Variants in REXO4 observed in about 807,000 individuals in gnomAD.
REXO4 encodes the protein RNA exonuclease 4, also known as REX4 homolog, 3'-5' exonuclease.
Under a neutral mutation model 39.9 loss-of-function variants are expected in REXO4, and 29 were observed. That is an observed-to-expected ratio of 0.73 (90% CI 0.54 to 0.99). The LOEUF is 0.99. Among genes scored for constraint, REXO4 ranks in the 50% least tolerant of loss-of-function variants. REXO4 has a pLI of 0.00. For missense variants in REXO4, 524 were observed against 546.5 expected (o/e 0.96, Z 0.41); for synonymous variants, 184 against 206.2 (o/e 0.89, Z 0.92).
chr9:133,408,484 G>C (rs1182427700), intron 6 of REXO4, among the ~76,000 whole-genome samples: 2 of 151,600 alleles, frequency 1.3e-5, no homozygotes, highest in Admixed American at 1.3e-4. Flanking sequence ...ATGAAGAACG[G>C]CTCTGCCCTT....
At chr9:133,416,070 A>G (rs1839578573) in intron 1 of REXO4, among the ~76,000 whole-genome samples, 3 of 152,248 alleles carry the variant, frequency 2.0e-5, no homozygotes, top group Admixed American at 6.5e-5. Flanking sequence ...ACGTTTATGT[A>G]GCTCATGGTT....
chr9:133,412,956 G>A, intron 2 of REXO4, 35 bp from the exon 3 acceptor site: 1 of 1,608,048 alleles, frequency 6.2e-7, no homozygotes, highest in Non-Finnish European at 8.5e-7. Flanking sequence ...ATCACCAGAA[G>A]ACCCTAGTGC....
chr9:133,407,189 T>C, intron 7 of REXO4, 117 bp from the exon 8 acceptor site: 2 of 1,510,456 alleles, frequency 1.3e-6, no homozygotes, highest in Non-Finnish European at 1.8e-6. Context: ...GAGTGAGACA[T>C]GGACCTGGCC....
Position 133,407,892 on chromosome 9 carries a change from G to T in REXO4, c.1075-11C>A. On this transcript the variant is annotated splice_polypyrimidine_tract_variant and intron_variant, in intron 6 of 7. Coordinates refer to ENST00000371942, the MANE Select transcript of REXO4 (RefSeq NM_020385.4). Reference sequence around the variant, plus strand: ...AGACGGCCTTCCACTCTGCAAAGGGGGAAGAGGCGGGTGGGGGCCTCTGCA... The same window carrying T: ...AGACGGCCTTCCACTCTGCAAAGGGTGAAGAGGCGGGTGGGGGCCTCTGCA... The T allele has an allele frequency of 6.2e-7, 1 of 1,611,394 alleles. No homozygotes were observed. Among genetic ancestry groups the T allele is most frequent in the Non-Finnish European group, 8.5e-7 (1 of 1,178,414 alleles).
chr9:133,412,410 T>A lies in REXO4; in HGVS notation c.799A>T (p.Ile267Phe), dbSNP rs782776107. 4 of 1,614,176 alleles carry A rather than the reference T, an allele frequency of 2.5e-6. No individual in the cohort carries two copies. Among genetic ancestry groups the A allele is most frequent in the Non-Finnish European group, 3.4e-6 (4 of 1,180,042 alleles). Residue 267 changes from isoleucine to phenylalanine, a missense_variant, in exon 4 of 8, where the codon ATC becomes TTC. Coordinates refer to ENST00000371942, the MANE Select transcript of REXO4 (RefSeq NM_020385.4). ...GEESMAARVS[I>F]VNQYGKCVYD... ...ACGCACTTCCCATACTGGTTCACGA[T>A]GGACACACGGGCGGCCATGCTCTCC...
At chr9:133,413,299 G>A (rs1391358879) in intron 2 of REXO4, among the ~76,000 whole-genome samples, 9 of 151,942 alleles carry the variant, frequency 5.9e-5, no homozygotes, top group African/African-American at 1.7e-4. Flanking sequence ...ACGGGGTTTC[G>A]TCATGTTGGC....
intron 2 of REXO4, 50 bp downstream of exon 2, chr9:133,414,615 G>A (rs376443200): frequency 6.5e-6 from 10 of 1,532,248 alleles, no homozygotes; most frequent in Non-Finnish European, 9.0e-6. Flanking sequence ...GACAGGCCTT[G>A]GTGAAGTCGC....
At chr9:133,412,605 T>C (rs1554780432) in intron 3 of REXO4, 113 bp from the exon 4 acceptor site, 2 of 1,418,990 alleles carry the variant, frequency 1.4e-6, no homozygotes, top group Non-Finnish European at 9.7e-7. Flanking sequence ...TCTCTGCCCC[T>C]CACTCATTTG....
In REXO4 at chr9:133,410,034, G is replaced by GT. The variant is rs587750883; in HGVS notation, c.999+950dup. Among the ~76,000 whole-genome samples, 3 of 152,262 alleles carry GT rather than the reference G, an allele frequency of 2.0e-5. No homozygotes were observed. In the South Asian group the frequency reaches 6.2e-4, roughly 32 times the overall value. On this transcript the variant is annotated intron_variant, in intron 5 of 7. Transcript: ENST00000371942. ...CACTGCCCGGGGGGTTCTCACCTCA[G>GT]TTTCACCCTCTGTAAACAAGCATGA...
chr9:133,415,387 C>G (rs1839520169), intron 1 of REXO4, among the ~76,000 whole-genome samples: 1 of 151,738 alleles, frequency 6.6e-6, no homozygotes, highest in Non-Finnish European at 1.5e-5. Context: ...CAGCTTGGGC[C>G]AACATCCTGC....
chr9:133,408,967 T>TGTGC, intron 5 of REXO4, 125 bp from the exon 6 acceptor site: 1 of 529,646 alleles, frequency 1.9e-6, no homozygotes, highest in East Asian at 3.3e-5. Flanking sequence ...TGTGTGTGTG[T>TGTGC]GTGTGTGTGT....
chr9:133,415,485 T>A lies in REXO4; in HGVS notation c.226-474A>T, dbSNP rs587771607. Among the ~76,000 whole-genome samples, 86 of 149,618 alleles carry A rather than the reference T, an allele frequency of 5.7e-4. 1 individual carries two copies. In the South Asian group the frequency reaches 0.018, roughly 32 times the overall value. ...TCAGGAAGGTGGGGGGTGTCATAAATGAAAAGAAAAGCTTCTGTCAAACTG... is the reference window on the plus strand; with the variant it reads ...TCAGGAAGGTGGGGGGTGTCATAAAAGAAAAGAAAAGCTTCTGTCAAACTG... On this transcript the variant is annotated intron_variant, in intron 1 of 7. Transcript: ENST00000371942.
At chr9:133,411,556 C>G (rs1839212147) in intron 4 of REXO4, among the ~76,000 whole-genome samples, 1 of 152,242 alleles carries the variant, frequency 6.6e-6, no homozygotes. Flanking sequence ...ACCACCAACC[C>G]CACTTGTACC....
intron 2 of REXO4, among the ~76,000 whole-genome samples, chr9:133,414,004 C>T (rs1839392760): frequency 1.3e-5 from 2 of 152,360 alleles, no homozygotes; most frequent in Middle Eastern, 3.4e-3. Context: ...ACGTCACCTC[C>T]AGCTGAACCA....
Position 133,414,918 on chromosome 9 carries a change from T to C in REXO4, c.319A>G (p.Lys107Glu), listed in dbSNP as rs782588604. The change falls in exon 2 of 8, where the codon AAA becomes GAA. Residue 107 changes from lysine (K) to glutamate (E), a missense_variant. Lys to Glu is a moderately conservative substitution (Grantham distance 56). Coordinates refer to ENST00000371942, the MANE Select transcript of REXO4 (RefSeq NM_020385.4). ...KKKPKIIQQN[K>E]KETSPQVKGE... Reference sequence around the variant, plus strand: ...TTCACTTGAGGCGAGGTCTCTTTTTTGTTTTGCTGGATAATTTTGGGCTTC... The same window carrying C: ...TTCACTTGAGGCGAGGTCTCTTTTTCGTTTTGCTGGATAATTTTGGGCTTC... 6.2e-7 allele frequency: 1 copy of C among 1,614,054 alleles called. No homozygotes were observed. The highest frequency in any genetic ancestry group is 8.5e-7 in the Non-Finnish European group (1 of 1,180,012).
chr9:133,407,270 C>T (rs1220867899), intron 7 of REXO4, among the ~76,000 whole-genome samples, 198 bp from the exon 8 acceptor site: 2 of 152,176 alleles, frequency 1.3e-5, no homozygotes, highest in Non-Finnish European at 2.9e-5. Flanking sequence ...ATGGTCCCCA[C>T]ACTTCTGTGA....
chr9:133,413,206 C>T (rs1554780675), intron 2 of REXO4, among the ~76,000 whole-genome samples: 1 of 152,096 alleles, frequency 6.6e-6, no homozygotes, highest in East Asian at 1.9e-4. Context: ...TCAAGTGATT[C>T]TCTTGTCTCA....
rs1554778763 is a variant in REXO4, at chr9:133,406,300, C to T, written c.*653G>A. ...GCCCAAGGTTGGCATGTCTGCCGACCTCCAGGAATAACCGCAGTCACCGTG... is the reference window on the plus strand; with the variant it reads ...GCCCAAGGTTGGCATGTCTGCCGACTTCCAGGAATAACCGCAGTCACCGTG... On this transcript the variant is annotated 3_prime_UTR_variant, in exon 8 of 8. Coordinates refer to ENST00000371942, the MANE Select transcript of REXO4 (RefSeq NM_020385.4). 6.6e-6 allele frequency: 1 copy of T among 152,494 alleles called. No homozygotes were observed. Among genetic ancestry groups the T allele is most frequent in the African/African-American group, 2.4e-5 (1 of 41,466 alleles). 9.4% of individuals were successfully genotyped at this position (152,494 alleles called of 1,614,324 possible).
Position 133,417,845 on chromosome 9 carries a change from C to T in REXO4, c.-1G>A, listed in dbSNP as rs782307555. 8 of 1,598,506 alleles carry T rather than the reference C, an allele frequency of 5.0e-6. No homozygotes were observed. Among genetic ancestry groups the T allele is most frequent in the East Asian group, 2.2e-5 (1 of 44,866 alleles). ...AGGCGGGGACCTTCGCCTTCCCCATCCTGCTGCCGTCCAGCGCCTGGGCCG... is the reference window on the plus strand; with the variant it reads ...AGGCGGGGACCTTCGCCTTCCCCATTCTGCTGCCGTCCAGCGCCTGGGCCG... On this transcript the variant is annotated 5_prime_UTR_variant, in exon 1 of 8. Transcript: ENST00000371942.
Sources: allele counts gnomAD v4.1 joint callset (sites outside exome capture counted in the v4.1 genomes callset), GRCh38; gene constraint gnomAD v4.1.1; transcripts MANE v1.5; gene names NCBI Gene and HGNC (gene_info 2026-07-23, HGNC 2026-07-21).